Variants in DZIP3 observed in about 807,000 individuals in gnomAD.
The protein encoded by DZIP3 is E3 ubiquitin-protein ligase DZIP3.
DZIP3 carries 118 observed loss-of-function variants against 162.0 expected under a neutral mutation model. That is an observed-to-expected ratio of 0.73 (90% CI 0.63 to 0.85). DZIP3 has a LOEUF of 0.85. Ranked by LOEUF, DZIP3 falls within the 40% of genes least tolerant of loss-of-function variation. The probability of loss-of-function intolerance (pLI) is 0.00; values close to 1 mark genes in which losing one functional copy is unlikely to be tolerated. For missense variants in DZIP3, 1,331 were observed against 1,407.0 expected (o/e 0.95, Z 0.86); for synonymous variants, 438 against 458.6 (o/e 0.96, Z 0.57).
chr3:108,601,310 T>C (rs10439981), intron 1 of DZIP3, among the ~76,000 whole-genome samples: 2,891 of 152,124 alleles, frequency 0.019, 100 homozygotes, highest in African/African-American at 0.066. Context: ...ATCTGGTGGA[T>C]GGAGGCTAGG....
chr3:108,667,768 T>C (rs1943743194), intron 21 of DZIP3, among the ~76,000 whole-genome samples: 1 of 151,932 alleles, frequency 6.6e-6, no homozygotes. Context: ...CAAACAAGAG[T>C]ATACTTAGTG....
intron 19 of DZIP3, among the ~76,000 whole-genome samples, chr3:108,660,415 T>A (rs1199827332): frequency 2.0e-5 from 3 of 152,154 alleles, no homozygotes; most frequent in Non-Finnish European, 4.4e-5. Context: ...TAAATGGTGC[T>A]GGGAAAACTG....
intron 15 of DZIP3, among the ~76,000 whole-genome samples, chr3:108,647,413 A>T (rs1942676907): frequency 6.6e-6 from 1 of 151,802 alleles, no homozygotes; most frequent in East Asian, 1.9e-4. Context: ...AAAATGCTGG[A>T]CTCTCTGGAG....
intron 28 of DZIP3, among the ~76,000 whole-genome samples, chr3:108,687,703 G>A (rs373747580): frequency 6.6e-6 from 1 of 152,220 alleles, no homozygotes; most frequent in Non-Finnish European, 1.5e-5. Flanking sequence ...TCTCAAAAAC[G>A]AAGTCTCTTT....
intron 5 of DZIP3, among the ~76,000 whole-genome samples, chr3:108,620,865 A>G (rs181443632): frequency 6.6e-6 from 1 of 152,234 alleles, no homozygotes; most frequent in African/African-American, 2.4e-5. Context: ...TCTGTCACCC[A>G]GGCTGGAATG....
At chr3:108,661,185 C>T (rs1205457807) in intron 19 of DZIP3, among the ~76,000 whole-genome samples, 5 of 152,254 alleles carry the variant, frequency 3.3e-5, no homozygotes, top group South Asian at 4.2e-4. Flanking sequence ...TACATGCACA[C>T]GTATGTTTAT....
At chr3:108,675,203 T>G (rs1944060582) in intron 24 of DZIP3, among the ~76,000 whole-genome samples, 1 of 151,994 alleles carries the variant, frequency 6.6e-6, no homozygotes, top group South Asian at 2.1e-4. Context: ...GTTCCTACTT[T>G]TGTTAAGTCA....
rs371366544 is a variant in DZIP3, at chr3:108,672,570, G to A, written c.2503G>A (p.Glu835Lys). The part of the protein sequence containing the change: ...EQLSMKRSQW[E>K]MEKHNLESTM... ...GATCATGTATTTCAGATCTCAGTGG[G>A]AAATGGAAAAACATAATCTGGAAAG... The change falls in exon 23 of 33, where the codon GAA (glutamate) becomes AAA (lysine). Residue 835 changes from glutamate (E) to lysine (K), a missense_variant. Around this residue, in one of 2 missense-constraint regions of DZIP3, gnomAD observed 1,278 missense variants for 1,317.1 expected, o/e 0.97. Transcript: ENST00000361582. The A allele has an allele frequency of 1.7e-5, 27 of 1,610,502 alleles. No individual in the cohort carries two copies. Among genetic ancestry groups the A allele is most frequent in the Non-Finnish European group, 2.1e-5 (25 of 1,177,782 alleles).
intron 19 of DZIP3, among the ~76,000 whole-genome samples, chr3:108,654,668 T>C (rs1460801290): frequency 6.6e-6 from 1 of 152,132 alleles, no homozygotes; most frequent in African/African-American, 2.4e-5. Context: ...TTTTGTAATA[T>C]AAAGCTGCTT....
intron 2 of DZIP3, among the ~76,000 whole-genome samples, chr3:108,606,282 C>T (rs1940367277): frequency 6.6e-6 from 1 of 152,172 alleles, no homozygotes; most frequent in Non-Finnish European, 1.5e-5. Flanking sequence ...TTCAGCCCAC[C>T]TCTACCTCAT....
chr3:108,604,977 T>G (rs1186048890), intron 1 of DZIP3, among the ~76,000 whole-genome samples: 71 of 152,202 alleles, frequency 4.7e-4, no homozygotes, highest in Non-Finnish European at 4.4e-5. Context: ...AATGACCAAC[T>G]ATAAGGAAAT....
At position 108,631,055 on chromosome 3, in the gene DZIP3, A is replaced by ACACTCTCT; in HGVS notation, c.696+1880_696+1881insACTCTCTC. Among the ~76,000 whole-genome samples the ACACTCTCT allele has an allele frequency of 3.8e-3, 68 of 18,018 alleles. 2 individuals carry two copies. The highest frequency in any genetic ancestry group is 4.7e-3 in the Non-Finnish European group (52 of 11,166). 11.8% of individuals were successfully genotyped at this position (18,018 alleles called of 152,430 possible). On this transcript the variant is annotated intron_variant, in intron 8 of 32. Coordinates refer to ENST00000361582, the MANE Select transcript of DZIP3 (RefSeq NM_014648.4). ...CACACACACACACACACACACACAC[A>ACACTCTCT]CTCTCTCTCTCTCTCTCTCTCTCTC...
chr3:108,607,018 G>T (rs1223492253), intron 2 of DZIP3, among the ~76,000 whole-genome samples: 1 of 152,150 alleles, frequency 6.6e-6, no homozygotes, highest in Non-Finnish European at 1.5e-5. Flanking sequence ...GAATACTGCT[G>T]CAGTATTTTT....
Position 108,644,509 on chromosome 3 carries a change from T to C in DZIP3, c.1487T>C (p.Ile496Thr), listed in dbSNP as rs767333236. The change falls in exon 14 of 33, where the codon ATC becomes ACC. Residue 496 changes from isoleucine to threonine, a missense_variant. Transcript: ENST00000361582. ...GWNMEPPSSD[I>T]SKSADILRLC... The stretch of plus-strand genomic sequence containing the variant: ...AATATGGAACCGCCATCTTCTGACA[T>C]CTCTAAATCTGCAGACATCCTGAGA... 3 of 1,614,012 alleles carry C rather than the reference T, an allele frequency of 1.9e-6. No individual in the cohort carries two copies. In the South Asian group the frequency reaches 3.3e-5, roughly 18 times the overall value.
chr3:108,613,228 C>G (rs928809152), intron 4 of DZIP3, among the ~76,000 whole-genome samples: 18 of 152,062 alleles, frequency 1.2e-4, no homozygotes, highest in Non-Finnish European at 4.4e-5. Context: ...CCACAAATAT[C>G]GCATGATTCC....
intron 1 of DZIP3, among the ~76,000 whole-genome samples, chr3:108,604,736 A>G (rs1559719354): frequency 6.6e-6 from 1 of 152,218 alleles, no homozygotes; most frequent in African/African-American, 2.4e-5. Flanking sequence ...AAAGAAAACA[A>G]AACAGTGCTG....
At chr3:108,691,734 G>A (rs1944703027) in intron 32 of DZIP3, among the ~76,000 whole-genome samples, 1 of 152,136 alleles carries the variant, frequency 6.6e-6, no homozygotes, top group Non-Finnish European at 1.5e-5. Flanking sequence ...CCATATTTTG[G>A]AGTAGCATGT....
chr3:108,664,926 C>T (rs1943606811), intron 21 of DZIP3, among the ~76,000 whole-genome samples: 1 of 152,182 alleles, frequency 6.6e-6, no homozygotes, highest in Non-Finnish European at 1.5e-5. Context: ...GCCCACTTTT[C>T]CTGGGGTGCT....
intron 21 of DZIP3, among the ~76,000 whole-genome samples, chr3:108,664,095 G>C (rs1169706042): frequency 6.6e-6 from 1 of 152,142 alleles, no homozygotes; most frequent in African/African-American, 2.4e-5. Flanking sequence ...AAGAAAGCAT[G>C]CTGTCTAAAG....
Sources: allele counts gnomAD v4.1 joint callset (sites outside exome capture counted in the v4.1 genomes callset), GRCh38; gene constraint gnomAD v4.1.1; regional missense constraint gnomAD v4.1.1; transcripts MANE v1.5; gene names NCBI Gene and HGNC (gene_info 2026-07-23, HGNC 2026-07-21).